DISC1: variants seen among roughly 807,000 people sequenced by gnomAD.
DISC1 encodes the protein DISC1 scaffold protein.
In DISC1, 57 loss-of-function variants were observed where a neutral mutation model predicts 84.5. The ratio of observed to expected loss-of-function variants is 0.67; its 90% CI spans 0.55 to 0.84. The LOEUF is 0.84. Among genes scored for constraint, DISC1 ranks in the 40% least tolerant of loss-of-function variants. DISC1 has a pLI of 0.00. For synonymous variants in DISC1, 411 were observed against 415.2 expected, an observed-to-expected ratio of 0.99 and a Z score of 0.12; for missense variants, 1,000 against 1,057.8, an observed-to-expected ratio of 0.95 and a Z score of 0.76.
At position 231,873,383 on chromosome 1, in the gene DISC1, G is replaced by A. The variant is rs188530428; in HGVS notation, c.1981+54866G>A. On this transcript the variant is annotated intron_variant, in intron 9 of 12. Transcript: ENST00000439617. ...CAAAGCGGACTTCAGCCTGATAGCA[G>A]TCAAAAGACTTGTGTTTCAGCCCCT... Among the ~76,000 whole-genome samples, 30 of 152,342 alleles carry A rather than the reference G, an allele frequency of 2.0e-4. No individual in the cohort carries two copies. The East Asian group carries it at 4.6e-3, about 24-fold the overall frequency.
intron 8 of DISC1, among the ~76,000 whole-genome samples, chr1:231,805,141 C>A (rs1003279939): frequency 2.6e-5 from 4 of 152,184 alleles, no homozygotes; most frequent in African/African-American, 9.7e-5. Flanking sequence ...TCCCTTTTCA[C>A]TGTACACACC....
At chr1:231,906,705 C>A (rs1470019503) in intron 9 of DISC1, among the ~76,000 whole-genome samples, 1 of 147,122 alleles carries the variant, frequency 6.8e-6, no homozygotes, top group Non-Finnish European at 1.5e-5. Context: ...GGTGCCTTGC[C>A]CTTATTGCTC....
chr1:231,849,089 A>C (rs1367135450), intron 9 of DISC1, among the ~76,000 whole-genome samples: 1 of 151,334 alleles, frequency 6.6e-6, no homozygotes. Context: ...TTTACTTATC[A>C]CAACAATCCT....
intron 9 of DISC1, among the ~76,000 whole-genome samples, chr1:231,829,785 TA>T (rs1421618695): frequency 4.7e-5 from 7 of 149,750 alleles, no homozygotes; most frequent in African/African-American, 7.4e-5. Flanking sequence ...CGAAGGGAGA[TA>T]GGGGTGGGGC....
chr1:231,732,484 C>T (rs2071650362), intron 3 of DISC1, among the ~76,000 whole-genome samples: 1 of 152,182 alleles, frequency 6.6e-6, no homozygotes, highest in Admixed American at 6.5e-5. Flanking sequence ...TTAAACAATG[C>T]ATAATCATTG....
At chr1:232,015,323 A>G (rs184567813) in intron 11 of DISC1, among the ~76,000 whole-genome samples, 2 of 151,886 alleles carry the variant, frequency 1.3e-5, no homozygotes, top group East Asian at 3.9e-4. Context: ...AGCGCTTCTG[A>G]GGAAAACAAC....
chr1:231,647,488 AGT>A (rs1444587977), intron 1 of DISC1, among the ~76,000 whole-genome samples: 1 of 150,698 alleles, frequency 6.6e-6, no homozygotes, highest in Non-Finnish European at 1.5e-5. Context: ...AGTTTGAAGT[AGT>A]GTGTTGCCTC....
intron 1 of DISC1, among the ~76,000 whole-genome samples, chr1:231,688,400 C>T (rs138400604): frequency 2.6e-5 from 4 of 152,328 alleles, no homozygotes; most frequent in African/African-American, 9.6e-5. Flanking sequence ...TCACAAAATG[C>T]GTCTGCATCG....
chr1:231,965,290 C>T (rs1027408727), intron 10 of DISC1, among the ~76,000 whole-genome samples: 2 of 152,200 alleles, frequency 1.3e-5, no homozygotes, highest in Admixed American at 6.5e-5. Context: ...TATTCCTGTT[C>T]CTCCTTCTAC....
intron 9 of DISC1, among the ~76,000 whole-genome samples, chr1:231,916,980 G>T (rs1276226729): frequency 6.6e-6 from 1 of 152,066 alleles, no homozygotes; most frequent in African/African-American, 2.4e-5. Context: ...CTTTTTATGT[G>T]GATTCCATTG....
At chr1:231,742,780 C>A (rs1417407381) in intron 3 of DISC1, among the ~76,000 whole-genome samples, 1 of 138,162 alleles carries the variant, frequency 7.2e-6, no homozygotes, top group African/African-American at 2.9e-5. Flanking sequence ...TGTGGTGGCA[C>A]ATGCCAGTAG....
chr1:231,974,233 C>T (rs1476379640), intron 10 of DISC1, among the ~76,000 whole-genome samples: 1 of 152,124 alleles, frequency 6.6e-6, no homozygotes, highest in Non-Finnish European at 1.5e-5. Context: ...GTGTGAGTCT[C>T]TCCCTGGATG....
At chr1:231,743,484 G>T (rs1288230101) in intron 3 of DISC1, among the ~76,000 whole-genome samples, 3 of 152,200 alleles carry the variant, frequency 2.0e-5, no homozygotes, top group Admixed American at 6.5e-5. Context: ...ACTGTATCAG[G>T]ATGCTATTTT....
At chr1:232,004,883 C>CCCTT (rs1247170763) in intron 10 of DISC1, among the ~76,000 whole-genome samples, 1,300 of 104,566 alleles carry the variant, frequency 0.012, 8 homozygotes, top group Non-Finnish European at 0.018. Context: ...CTCCCTCCCT[C>CCCTT]CCTTCCTTCC....
At chr1:231,851,687 A>G (rs376718919) in intron 9 of DISC1, among the ~76,000 whole-genome samples, 153 of 152,220 alleles carry the variant, frequency 1.0e-3, no homozygotes, top group African/African-American at 3.5e-3. Flanking sequence ...AGCATCTCAC[A>G]TGTAAGGGCC....
At chr1:231,827,289 A>T (rs566755150) in intron 9 of DISC1, among the ~76,000 whole-genome samples, 2 of 152,324 alleles carry the variant, frequency 1.3e-5, no homozygotes, top group African/African-American at 4.8e-5. Context: ...CCCAGCATAA[A>T]TAAAAAAAAT....
chr1:231,633,821 T>A (rs748893925), intron 1 of DISC1, among the ~76,000 whole-genome samples: 1 of 152,112 alleles, frequency 6.6e-6, no homozygotes, highest in Non-Finnish European at 1.5e-5. Context: ...ATGTGGAATC[T>A]GAGTTGAAAT....
rs1659052354 is a variant in DISC1, at chr1:231,954,486, C to G, written c.1982-4342C>G. Among the ~76,000 whole-genome samples the G allele has an allele frequency of 6.6e-6, 1 of 152,102 alleles. No individual in the cohort carries two copies. Among genetic ancestry groups the G allele is most frequent in the African/African-American group, 2.4e-5 (1 of 41,382 alleles). On this transcript the variant is annotated intron_variant, in intron 9 of 12. Coordinates refer to ENST00000439617, the MANE Select transcript of DISC1 (RefSeq NM_018662.3). The surrounding 1 kb of genome is among the most constrained non-coding windows in gnomAD (Gnocchi z 4.8). ...GGCCTGAACCTGAATATCAGATTCC[C>G]TTAATAAACAGAAACAGTGAATGTG...
chr1:231,680,278 C>G (rs1351612359), intron 1 of DISC1, among the ~76,000 whole-genome samples: 2 of 152,098 alleles, frequency 1.3e-5, no homozygotes, highest in Non-Finnish European at 1.5e-5. Context: ...TATAGTGTCT[C>G]TATATGAAAT....
Sources: gnomAD v4.1 joint callset for allele counts (sites outside exome capture counted in the v4.1 genomes callset) on GRCh38, gnomAD v4.1.1 for gene constraint, Gnocchi (gnomAD v3.1) non-coding constraint, MANE v1.5 for transcripts, NCBI Gene and HGNC (gene_info 2026-07-23, HGNC 2026-07-21) for gene names.